The following NOL4 variants were observed in gnomAD, a reference collection of about 807,000 sequenced individuals.
The protein encoded by NOL4 is cancer/testis antigen 125.
A neutral mutation model predicts 75.9 loss-of-function variants in NOL4; 17 were observed. That is an observed-to-expected ratio of 0.22 (90% confidence interval 0.15 to 0.34). NOL4 has a LOEUF of 0.34. Among genes scored for constraint, NOL4 ranks in the 10% least tolerant of loss-of-function variants. The pLI is 1.00. For synonymous variants in NOL4, 292 were observed against 289.9 expected (o/e 1.01, Z -0.07); for missense variants, 614 against 793.5 (o/e 0.77, Z 2.72).
chr18:34,089,578 T>C (rs1447594064), intron 5 of NOL4, among the ~76,000 whole-genome samples: 1 of 152,248 alleles, frequency 6.6e-6, no homozygotes, highest in Admixed American at 6.5e-5. Flanking sequence ...AGCCACAATG[T>C]GGAGAGCGAC....
At chr18:34,134,386 C>A (rs969339699) in intron 1 of NOL4, among the ~76,000 whole-genome samples, 1 of 150,308 alleles carries the variant, frequency 6.7e-6, no homozygotes, top group East Asian at 2.0e-4. Flanking sequence ...ATAAAAAGTT[C>A]AACTCACCAG....
chr18:34,119,621 T>A (rs573418985), intron 2 of NOL4, among the ~76,000 whole-genome samples: 2 of 151,780 alleles, frequency 1.3e-5, no homozygotes, highest in African/African-American at 4.8e-5. Flanking sequence ...TGGGTTATTT[T>A]TTTTATTTTT....
At chr18:33,891,033 T>C (rs2065062346) in intron 9 of NOL4, among the ~76,000 whole-genome samples, 1 of 151,572 alleles carries the variant, frequency 6.6e-6, no homozygotes, top group South Asian at 2.1e-4. Flanking sequence ...AACCTTTCTG[T>C]CTGGAGAAAG....
At chr18:34,092,950 T>C (rs16965087) in intron 5 of NOL4, among the ~76,000 whole-genome samples, 2,986 of 152,286 alleles carry the variant, frequency 0.02, 53 homozygotes, top group South Asian at 0.075. Flanking sequence ...TTTCTTTCCT[T>C]AACAGCTGGA....
At position 34,223,235 on chromosome 18, in the gene NOL4, T is replaced by C. The variant is rs759436487; in HGVS notation, c.19A>G (p.Met7Val). 6.2e-6 allele frequency: 10 copies of C among 1,613,822 alleles called. No homozygotes were observed. The highest frequency in any genetic ancestry group is 2.7e-5 in the African/African-American group (2 of 74,942). Reference protein sequence around the residue: MESERDMYRQFQDWCLR... With the variant: MESERDVYRQFQDWCLR... ...CACCAGTCCTGGAACTGGCGGTACA[T>C]GTCGCGCTCGCTCTCCATGTTCCCC... The change falls in exon 1 of 11, where the codon ATG (methionine) becomes GTG (valine). Residue 7 changes from methionine (M) to valine (V), a missense_variant. By Grantham distance (21) the Met-to-Val change is conservative. This residue lies in a region of NOL4 where 15 missense variants were observed against 18.2 expected (regional missense o/e 0.83). Transcript: ENST00000261592.
At chr18:33,904,687 T>C (rs2065931787) in intron 9 of NOL4, among the ~76,000 whole-genome samples, 1 of 152,182 alleles carries the variant, frequency 6.6e-6, no homozygotes, top group Non-Finnish European at 1.5e-5. Flanking sequence ...TAAATACTCA[T>C]AGATTCTCCT....
At chr18:34,214,543 G>A (rs2146588822) in intron 1 of NOL4, among the ~76,000 whole-genome samples, 2 of 152,252 alleles carry the variant, frequency 1.3e-5, no homozygotes, top group South Asian at 4.1e-4. Context: ...AATAAAAAGT[G>A]TTAATACCAT....
intron 5 of NOL4, among the ~76,000 whole-genome samples, chr18:34,053,981 G>C (rs550368878): frequency 6.6e-6 from 1 of 151,996 alleles, no homozygotes; most frequent in African/African-American, 2.4e-5. Context: ...TCATGTTTAT[G>C]AGTAAGATGA....
chr18:33,866,484 C>T (rs971742145), intron 10 of NOL4, among the ~76,000 whole-genome samples: 2 of 152,054 alleles, frequency 1.3e-5, no homozygotes, highest in Admixed American at 6.6e-5. Context: ...TAAAGAGAAG[C>T]AGTTATTTGC....
chr18:34,204,229 T>C (rs563954942), intron 1 of NOL4, among the ~76,000 whole-genome samples: 2 of 151,768 alleles, frequency 1.3e-5, no homozygotes, highest in Non-Finnish European at 2.9e-5. Flanking sequence ...TGGAGGAAAG[T>C]CCGTGCTCTT....
At chr18:34,144,183 T>G (rs925717210) in intron 1 of NOL4, among the ~76,000 whole-genome samples, 10 of 152,172 alleles carry the variant, frequency 6.6e-5, no homozygotes, top group African/African-American at 2.4e-4. Flanking sequence ...TCCCTTTTAA[T>G]ATTAATTACT....
chr18:33,990,947 A>G (rs2072870411), intron 6 of NOL4, among the ~76,000 whole-genome samples: 1 of 151,904 alleles, frequency 6.6e-6, no homozygotes, highest in African/African-American at 2.4e-5. Flanking sequence ...ACAAAATCTG[A>G]ATTTTCAATT....
At chr18:34,126,451 T>C (rs1251111159) in intron 2 of NOL4, among the ~76,000 whole-genome samples, 2 of 152,172 alleles carry the variant, frequency 1.3e-5, no homozygotes, top group African/African-American at 2.4e-5. Flanking sequence ...ATGAGTTGTA[T>C]GTGTGTATGT....
At position 33,876,979 on chromosome 18, in the gene NOL4, G is replaced by A. The variant is rs564053048; in HGVS notation, c.1723+6265C>T. On this transcript the variant is annotated intron_variant, in intron 10 of 10. Transcript: ENST00000261592. ...ACACTAGACAAATTCTCTTTGGTTT[G>A]AGACTAAAGCTTTTGTTTGCCAAGA... 1.3e-3 allele frequency among the ~76,000 whole-genome samples: 202 copies of A among 152,120 alleles called. 7 individuals carry two copies. The highest frequency in any genetic ancestry group is 1.0e-3 in the Admixed American group (16 of 15,256).
intron 9 of NOL4, among the ~76,000 whole-genome samples, chr18:33,916,684 G>T (rs183824169): frequency 2.6e-5 from 4 of 152,084 alleles, no homozygotes; most frequent in Non-Finnish European, 4.4e-5. Context: ...TTTCATATCT[G>T]TTTTGCTAGT....
At chr18:33,879,933 A>G (rs764092873) in intron 10 of NOL4, among the ~76,000 whole-genome samples, 23 of 152,052 alleles carry the variant, frequency 1.5e-4, no homozygotes, top group Admixed American at 1.2e-3. Flanking sequence ...TTCTATTAAT[A>G]TATACTGTCA....
chr18:34,120,310 A>T (rs1488058294), intron 2 of NOL4, among the ~76,000 whole-genome samples: 2 of 152,206 alleles, frequency 1.3e-5, no homozygotes. Flanking sequence ...ACAGGTATAC[A>T]TACATTTTAC....
At chr18:34,206,898 T>A (rs569283735) in intron 1 of NOL4, among the ~76,000 whole-genome samples, 30 of 152,228 alleles carry the variant, frequency 2.0e-4, no homozygotes, top group East Asian at 3.9e-4. Context: ...TCTGTTTTTT[T>A]AAATATTTTT....
chr18:34,146,266 G>A (rs2081387622), intron 1 of NOL4, among the ~76,000 whole-genome samples: 1 of 151,090 alleles, frequency 6.6e-6, no homozygotes, highest in Non-Finnish European at 1.5e-5. Flanking sequence ...AGTTTATATA[G>A]TAGCTTTTGG....
Sources: gnomAD v4.1 joint callset for allele counts (sites outside exome capture counted in the v4.1 genomes callset) on GRCh38, gnomAD v4.1.1 for gene constraint, gnomAD v4.1.1 regional missense constraint, MANE v1.5 for transcripts, NCBI Gene and HGNC (gene_info 2026-07-23, HGNC 2026-07-21) for gene names.